Variants in EVI5 observed in about 807,000 individuals in gnomAD.
EVI5 encodes the protein ecotropic viral integration site 5, also known as ecotropic viral integration site 5 protein homolog.
EVI5 carries 73 observed loss-of-function variants against 112.0 expected under a neutral mutation model. The ratio of observed to expected loss-of-function variants is 0.65; its 90% CI spans 0.54 to 0.79. EVI5 has a LOEUF of 0.79. Among genes scored for constraint, EVI5 ranks in the 30% least tolerant of loss-of-function variants. The pLI is 0.00. For missense variants in EVI5, 900 were observed against 968.8 expected, an observed-to-expected ratio of 0.93 and a Z score of 0.94; for synonymous variants, 305 against 319.9, an observed-to-expected ratio of 0.95 and a Z score of 0.50.
chr1:92,757,339 C>T (rs911841793), intron 1 of EVI5, among the ~76,000 whole-genome samples: 4 of 151,964 alleles, frequency 2.6e-5, no homozygotes, highest in Admixed American at 1.3e-4. Context: ...CAAAAACAAA[C>T]GTTTATCTTG....
intron 16 of EVI5, among the ~76,000 whole-genome samples, chr1:92,614,856 ATATATATATATATAT>A (rs201190182): frequency 1.4e-5 from 2 of 144,340 alleles, no homozygotes; most frequent in South Asian, 2.1e-4. Context: ...ATATATATAT[ATATATATATATATAT>A]ATATATATAT....
intron 1 of EVI5, among the ~76,000 whole-genome samples, chr1:92,779,971 A>G (rs1486647761): frequency 1.3e-5 from 2 of 152,126 alleles, no homozygotes; most frequent in African/African-American, 4.8e-5. Flanking sequence ...ATTTTCTAGA[A>G]ACTCTGACCT....
At chr1:92,665,078 G>A (rs779904707) in intron 11 of EVI5, among the ~76,000 whole-genome samples, 1 of 152,122 alleles carries the variant, frequency 6.6e-6, no homozygotes, top group African/African-American at 2.4e-5. Flanking sequence ...GGTGGCGCAC[G>A]CCTATAATCC....
intron 7 of EVI5, among the ~76,000 whole-genome samples, chr1:92,694,737 C>G (rs148662799): frequency 2.2e-3 from 333 of 152,298 alleles, no homozygotes; most frequent in African/African-American, 7.7e-3. Flanking sequence ...CAACTGTGAT[C>G]TGAACTAATT....
chr1:92,608,143 T>C (rs1425157542), intron 16 of EVI5, among the ~76,000 whole-genome samples: 2 of 149,336 alleles, frequency 1.3e-5, no homozygotes, highest in East Asian at 3.9e-4. Flanking sequence ...AGAGCGAGAC[T>C]CCGTCTCAAA....
chr1:92,549,598 A>G (rs1571463035), intron 19 of EVI5, among the ~76,000 whole-genome samples: 1 of 151,990 alleles, frequency 6.6e-6, no homozygotes. Context: ...CAACCTACTC[A>G]TCTGACAAAG....
rs148705992 is a variant in EVI5 at position 92,579,567 on chromosome 1, T to G, written c.2071-15830A>C. 1.1e-4 allele frequency among the ~76,000 whole-genome samples: 16 copies of G among 152,364 alleles called. No individual in the cohort carries two copies. In the East Asian group the frequency reaches 2.3e-3, roughly 22 times the overall value. ...CAATTTTAATGTGATGGTTTGGTTT[T>G]ACTGTGACTAATACAGTTATTAATA... On this transcript the variant is annotated intron_variant, in intron 18 of 19. Transcript: ENST00000684568.
intron 1 of EVI5, among the ~76,000 whole-genome samples, chr1:92,777,777 A>C (rs182683099): frequency 6.6e-6 from 1 of 152,230 alleles, no homozygotes; most frequent in Admixed American, 6.5e-5. Context: ...AAGGATAAAG[A>C]AAGTTGTGTT....
At chr1:92,534,130 A>G (rs1382263526) in intron 19 of EVI5, among the ~76,000 whole-genome samples, 1 of 152,178 alleles carries the variant, frequency 6.6e-6, no homozygotes, top group Non-Finnish European at 1.5e-5. Flanking sequence ...ATTCCTATAT[A>G]CCAATAACAG....
chr1:92,748,857 G>A (rs931841850), intron 1 of EVI5, among the ~76,000 whole-genome samples: 17 of 151,826 alleles, frequency 1.1e-4, no homozygotes, highest in African/African-American at 3.6e-4. Context: ...ACCTGAGGTC[G>A]GGAGTTTGAC....
At chr1:92,552,283 G>C (rs1667065864) in intron 19 of EVI5, among the ~76,000 whole-genome samples, 1 of 152,106 alleles carries the variant, frequency 6.6e-6, no homozygotes, top group Non-Finnish European at 1.5e-5. Flanking sequence ...GGCTGAATAA[G>C]ATAATCTTTG....
At chr1:92,758,063 T>C (rs1217601541) in intron 1 of EVI5, among the ~76,000 whole-genome samples, 1 of 152,060 alleles carries the variant, frequency 6.6e-6, no homozygotes. Flanking sequence ...GGTTCCCAAT[T>C]TGATGGAGCC....
chr1:92,625,975 A>C, intron 14 of EVI5, 41 bp from the exon 15 acceptor site: 2 of 1,381,654 alleles, frequency 1.4e-6, no homozygotes, highest in Non-Finnish European at 2.1e-6. Flanking sequence ...TTTAAATTTA[A>C]GGAATAAAAT....
chr1:92,642,930 T>A (rs1660253934), intron 13 of EVI5, among the ~76,000 whole-genome samples: 2 of 152,194 alleles, frequency 1.3e-5, no homozygotes, highest in Admixed American at 6.5e-5. Flanking sequence ...AATACCTGAA[T>A]GGTAAGACCA....
chr1:92,698,277 T>C, intron 5 of EVI5, among the ~76,000 whole-genome samples: 1 of 152,186 alleles, frequency 6.6e-6, no homozygotes, highest in East Asian at 1.9e-4. Flanking sequence ...TCTCTCTGGG[T>C]ATACACCAGT....
chr1:92,790,630 T>C (rs1237407602), intron 1 of EVI5, among the ~76,000 whole-genome samples: 2 of 151,796 alleles, frequency 1.3e-5, no homozygotes, highest in Non-Finnish European at 2.9e-5. Context: ...AATAAAAAGC[T>C]ATGGCCTCCA....
chr1:92,740,649 T>C (rs867408852), intron 1 of EVI5, among the ~76,000 whole-genome samples: 17 of 152,306 alleles, frequency 1.1e-4, no homozygotes, highest in African/African-American at 1.7e-4. Flanking sequence ...CATATGTGTG[T>C]ATGTGTGTGT....
chr1:92,691,543 G>A (rs1297410896), intron 9 of EVI5, among the ~76,000 whole-genome samples: 1 of 152,122 alleles, frequency 6.6e-6, no homozygotes, highest in Non-Finnish European at 1.5e-5. Context: ...TTCCTTCACA[G>A]CTAAGCTTCA....
intron 19 of EVI5, among the ~76,000 whole-genome samples, chr1:92,526,517 A>G (rs545484404): frequency 6.6e-6 from 1 of 152,342 alleles, no homozygotes; most frequent in South Asian, 2.1e-4. Flanking sequence ...GCAGTTTAAT[A>G]TTAGTGTATG....
Sources: allele counts gnomAD v4.1 joint callset (sites outside exome capture counted in the v4.1 genomes callset), GRCh38; gene constraint gnomAD v4.1.1; transcripts MANE v1.5; gene names NCBI Gene and HGNC (gene_info 2026-07-23, HGNC 2026-07-21).